PRTG: variants seen among roughly 807,000 people sequenced by gnomAD.
The protein encoded by PRTG is protogenin, also known as immunoglobulin superfamily, DCC subclass, member 5.
PRTG carries 67 observed loss-of-function variants against 122.5 expected under a neutral mutation model. The ratio of observed to expected loss-of-function variants is 0.55; its 90% CI spans 0.45 to 0.67. The LOEUF is 0.67. Ranked by LOEUF, PRTG falls within the 30% of genes least tolerant of loss-of-function variation. The probability of loss-of-function intolerance (pLI) is 0.00; values close to 1 mark genes in which losing one functional copy is unlikely to be tolerated. For synonymous variants in PRTG, 554 were observed against 501.1 expected (o/e 1.11, Z -1.41); for missense variants, 1,435 against 1,415.4 (o/e 1.01, Z -0.22).
rs2059129290 is a variant in PRTG at position 55,613,463 on chromosome 15, G to A, written c.*6549C>T. 6.6e-6 allele frequency: 1 copy of A among 152,026 alleles called. No homozygotes were observed. Among genetic ancestry groups the A allele is most frequent in the African/African-American group, 2.4e-5 (1 of 41,406 alleles). 9.4% of individuals were successfully genotyped at this position (152,026 alleles called of 1,614,324 possible). Reference sequence around the variant, plus strand: ...ACTAGAAAAGGACTCTAGAAACCATGCCTACCTTATTTGTAATGTAACTCT... The same window carrying A: ...ACTAGAAAAGGACTCTAGAAACCATACCTACCTTATTTGTAATGTAACTCT... On this transcript the variant is annotated 3_prime_UTR_variant, in exon 20 of 20. Transcript: ENST00000389286.
intron 2 of PRTG, among the ~76,000 whole-genome samples, chr15:55,708,325 C>G (rs2030233079): frequency 1.3e-5 from 2 of 152,014 alleles, no homozygotes; most frequent in African/African-American, 4.8e-5. Flanking sequence ...AAAGTGAAAC[C>G]AGGCCAGGCG....
chr15:55,638,558 G>T lies in PRTG; in HGVS notation c.2443C>A (p.Leu815Ile). The T allele has an allele frequency of 6.2e-7, 1 of 1,606,580 alleles. No individual in the cohort carries two copies. Among genetic ancestry groups the T allele is most frequent in the Non-Finnish European group, 8.5e-7 (1 of 1,177,322 alleles). ...PWSPVVYHSTLPEAPAGPPVG... is the reference protein window; with the variant it reads ...PWSPVVYHSTIPEAPAGPPVG... Reference sequence around the variant, plus strand: ...GAGCTGTTTTCTTTACCTTCTGGAAGAGTAGAATGGTAGACTACAGGGCTC... The same window carrying T: ...GAGCTGTTTTCTTTACCTTCTGGAATAGTAGAATGGTAGACTACAGGGCTC... Residue 815 changes from leucine to isoleucine, a missense_variant, in exon 14 of 20, where the codon CTT (leucine) becomes ATT (isoleucine). Transcript: ENST00000389286.
At chr15:55,637,090 C>T (rs1235122933) in intron 15 of PRTG, 80 bp downstream of exon 15, 2 of 1,182,528 alleles carry the variant, frequency 1.7e-6, no homozygotes, top group Non-Finnish European at 2.3e-6. Flanking sequence ...TCAAAATAAA[C>T]TCTAGATTCC....
Position 55,611,983 on chromosome 15 carries a change from CA to C in PRTG, c.*8028del, listed in dbSNP as rs1366521284. ...AATACAAAATAATTTAACTGGCTCC[CA>C]CACTTTCATTTAATTCACATCTTTG... On this transcript the variant is annotated 3_prime_UTR_variant, in exon 20 of 20. Transcript: ENST00000389286. 6.6e-6 allele frequency: 1 copy of C among 151,054 alleles called. No individual in the cohort carries two copies. The highest frequency in any genetic ancestry group is 2.4e-5 in the African/African-American group (1 of 41,118). 9.4% of individuals were successfully genotyped at this position (151,054 alleles called of 1,614,324 possible). A position where few individuals can be genotyped will look rare whatever the true frequency, so the allele number is the denominator to read the frequency against.
intron 2 of PRTG, among the ~76,000 whole-genome samples, chr15:55,738,051 C>CA (rs1452875816): frequency 3.2e-4 from 26 of 81,892 alleles, no homozygotes; most frequent in African/African-American, 6.8e-4. Flanking sequence ...CACACACACA[C>CA]CACACACACT....
chr15:55,732,189 T>G (rs1160578116), intron 2 of PRTG, among the ~76,000 whole-genome samples: 2 of 152,122 alleles, frequency 1.3e-5, no homozygotes, highest in Non-Finnish European at 2.9e-5. Context: ...TGACTAGATT[T>G]GTTTGTTTTT....
intron 11 of PRTG, among the ~76,000 whole-genome samples, chr15:55,671,629 G>C (rs1453878159): frequency 1.3e-5 from 2 of 152,090 alleles, no homozygotes; most frequent in African/African-American, 4.8e-5. Flanking sequence ...CTCCCAAGTA[G>C]CTAGGATTAC....
chr15:55,629,896 T>C (rs1323644740), intron 15 of PRTG, among the ~76,000 whole-genome samples: 2 of 150,936 alleles, frequency 1.3e-5, no homozygotes, highest in African/African-American at 4.9e-5. Flanking sequence ...TGGCTCACTA[T>C]AACCTCCACC....
intron 2 of PRTG, among the ~76,000 whole-genome samples, chr15:55,722,746 C>T (rs1237783429): frequency 6.7e-6 from 1 of 149,010 alleles, no homozygotes; most frequent in Non-Finnish European, 1.5e-5. Context: ...ACAGAAATGC[C>T]ACACAGAACA....
At chr15:55,735,726 A>G (rs2031389225) in intron 2 of PRTG, among the ~76,000 whole-genome samples, 1 of 151,598 alleles carries the variant, frequency 6.6e-6, no homozygotes, top group Non-Finnish European at 1.5e-5. Context: ...GCTAAAAAAA[A>G]AAAAAAAAAA....
chr15:55,719,658 A>G lies in PRTG; in HGVS notation c.397+20724T>C, dbSNP rs541272855. 1.2e-4 allele frequency among the ~76,000 whole-genome samples: 19 copies of G among 152,368 alleles called. No homozygotes were observed. The East Asian group carries it at 3.3e-3, about 26-fold the overall frequency. On this transcript the variant is annotated intron_variant, in intron 2 of 19. Coordinates refer to ENST00000389286, the MANE Select transcript of PRTG (RefSeq NM_173814.6). The stretch of plus-strand genomic sequence containing the variant: ...TAAAAAGGTATTATTTTACTAAATC[A>G]TAACATAGTAGTATTATTTCTAGTT...
At chr15:55,673,323 T>C (rs28556884) in intron 10 of PRTG, 48 bp downstream of exon 10, 367,822 of 1,344,738 alleles carry the variant, frequency 0.27, 54,952 homozygotes, top group East Asian at 0.59. Flanking sequence ...AAAAACTTGA[T>C]TCAAAAGTAA....
In PRTG at chr15:55,619,441, T is replaced by C. The variant is rs2059154607; in HGVS notation, c.*571A>G. The C allele has an allele frequency of 6.5e-6, 1 of 153,074 alleles. No homozygotes were observed. Among genetic ancestry groups the C allele is most frequent in the South Asian group, 2.1e-4 (1 of 4,832 alleles). 9.5% of individuals were successfully genotyped at this position (153,074 alleles called of 1,614,324 possible). Reference sequence around the variant, plus strand: ...AGCTTCAGATAAACATTCTTACTCATCTACCTATATGACTCCTTTGATCAC... The same window carrying C: ...AGCTTCAGATAAACATTCTTACTCACCTACCTATATGACTCCTTTGATCAC... On this transcript the variant is annotated 3_prime_UTR_variant, in exon 20 of 20. Transcript: ENST00000389286.
chr15:55,740,932 A>G (rs2031588940), intron 1 of PRTG, among the ~76,000 whole-genome samples: 1 of 152,238 alleles, frequency 6.6e-6, no homozygotes, highest in Non-Finnish European at 1.5e-5. Context: ...TATGCTTTGT[A>G]TAAATTCTGC....
chr15:55,630,163 T>C (rs1369988442), intron 15 of PRTG, among the ~76,000 whole-genome samples: 1 of 152,040 alleles, frequency 6.6e-6, no homozygotes, highest in Non-Finnish European at 1.5e-5. Context: ...ATTTTTTATA[T>C]TTTTAGTAGA....
chr15:55,653,527 G>A (rs967077290), intron 11 of PRTG, among the ~76,000 whole-genome samples: 5 of 151,328 alleles, frequency 3.3e-5, no homozygotes, highest in Admixed American at 6.6e-5. Flanking sequence ...GCAATGGTGC[G>A]ATCTCGGCTC....
intron 2 of PRTG, among the ~76,000 whole-genome samples, chr15:55,692,516 G>A (rs936445400): frequency 1.3e-5 from 2 of 152,168 alleles, no homozygotes; most frequent in African/African-American, 4.8e-5. Flanking sequence ...AGAGAGATCA[G>A]ATGGTCTGCT....
intron 2 of PRTG, among the ~76,000 whole-genome samples, chr15:55,686,994 C>T (rs2059573921): frequency 6.6e-6 from 1 of 152,180 alleles, no homozygotes; most frequent in East Asian, 1.9e-4. Context: ...CACTTATTTA[C>T]AAGTCTTCCT....
intron 2 of PRTG, among the ~76,000 whole-genome samples, chr15:55,693,321 C>T (rs2059614905): frequency 3.3e-5 from 5 of 152,036 alleles, no homozygotes; most frequent in Admixed American, 2.0e-4. Context: ...CCGGGCGTGG[C>T]GGCGCATGCC....
Sources: gnomAD v4.1 joint callset for allele counts (sites outside exome capture counted in the v4.1 genomes callset) on GRCh38, gnomAD v4.1.1 for gene constraint, MANE v1.5 for transcripts, NCBI Gene and HGNC (gene_info 2026-07-23, HGNC 2026-07-21) for gene names.